NFE2L1: variants seen among roughly 807,000 people sequenced by gnomAD.
NFE2L1 encodes endoplasmic reticulum membrane sensor NFE2L1.
Under a neutral mutation model 61.6 loss-of-function variants are expected in NFE2L1, and 18 were observed. The observed-to-expected ratio is 0.29, with a 90% CI of 0.20 to 0.43. The LOEUF (loss-of-function observed/expected upper bound fraction) is 0.43, where lower values mean the gene tolerates loss of function less well. Among genes scored for constraint, NFE2L1 ranks in the 20% least tolerant of loss-of-function variants. The pLI is 1.00. For synonymous variants in NFE2L1, 419 were observed against 402.7 expected, an observed-to-expected ratio of 1.04 and a Z score of -0.48; for missense variants, 827 against 973.5, an observed-to-expected ratio of 0.85 and a Z score of 2.00.
chr17:48,055,074 G>C (rs2037361813), intron 2 of NFE2L1: 1 of 1,491,078 alleles, frequency 6.7e-7, no homozygotes, highest in Admixed American at 2.2e-5. Context: ...AAAGGCAGCC[G>C]GCCCCTTAAC....
intron 5 of NFE2L1, among the ~76,000 whole-genome samples, 166 bp downstream of exon 5, chr17:48,057,668 G>A (rs1364352234): frequency 1.3e-5 from 2 of 152,220 alleles, no homozygotes; most frequent in African/African-American, 4.8e-5. Flanking sequence ...TTGGGGCAAT[G>A]GGAGCTGGAG....
chr17:48,053,659 C>G (rs1223626991), intron 2 of NFE2L1, among the ~76,000 whole-genome samples: 1 of 152,220 alleles, frequency 6.6e-6, no homozygotes, highest in East Asian at 1.9e-4. Flanking sequence ...AACATACTGT[C>G]TCTCTGACCT....
chr17:48,050,579 C>T (rs1248633228), intron 1 of NFE2L1, 28 bp from the exon 2 acceptor site: 1 of 409,498 alleles, frequency 2.4e-6, no homozygotes, highest in Non-Finnish European at 4.3e-6. Flanking sequence ...GGAATCTTAT[C>T]CTGTTGCTTT....
rs540782752 is a variant in NFE2L1 at position 48,051,772 on chromosome 17, C to G, written c.510+144C>G. 91 of 1,011,116 alleles carry G rather than the reference C, an allele frequency of 9.0e-5. 1 individual carries two copies. The South Asian group carries it at 1.5e-3, about 16-fold the overall frequency. The allele number at this position is 1,011,116 out of a possible 1,614,324, so 62.6% of individuals were successfully genotyped here. A position where few individuals can be genotyped will look rare whatever the true frequency, so the allele number is the denominator to read the frequency against. Reference sequence around the variant, plus strand: ...GGCACTGTTCTTGGGTAGGGATGGGCTGAACTTTCTGACTTTAGGATTGGG... The same window carrying G: ...GGCACTGTTCTTGGGTAGGGATGGGGTGAACTTTCTGACTTTAGGATTGGG... On this transcript the variant is annotated intron_variant, in intron 2 of 5. Coordinates refer to ENST00000362042, the MANE Select transcript of NFE2L1 (RefSeq NM_003204.3).
rs2037247635 is a variant in NFE2L1, at chr17:48,051,440, G to C, written c.322G>C (p.Asp108His). Residue 108 changes from aspartate to histidine, a missense_variant, in exon 2 of 6, where the codon GAC becomes CAC. By Grantham distance (81) the Asp-to-His change is moderately conservative. This residue lies in a region of NFE2L1 where 667 missense variants were observed against 748.4 expected (regional missense o/e 0.89). Transcript: ENST00000362042. ...GGTAAATGCCTGGCTGGTTCACCGA[G>C]ACCCAGAGGGGTCTGTCTCTGGCAG... ...TEVNAWLVHR[D>H]PEGSVSGSQP... 6.2e-7 allele frequency: 1 copy of C among 1,614,210 alleles called. No homozygotes were observed. The highest frequency in any genetic ancestry group is 8.5e-7 in the Non-Finnish European group (1 of 1,180,040).
intron 5 of NFE2L1, 134 bp downstream of exon 5, chr17:48,057,636 A>G: frequency 8.5e-7 from 1 of 1,175,828 alleles, no homozygotes. Context: ...GACAATGAGA[A>G]GAAACCTGTC....
At chr17:48,055,434 G>A (rs1415882207) in intron 2 of NFE2L1, among the ~76,000 whole-genome samples, 2 of 152,076 alleles carry the variant, frequency 1.3e-5, no homozygotes, top group African/African-American at 4.8e-5. Flanking sequence ...GGTGGCAGTT[G>A]GTGCAGCAAC....
In NFE2L1 at chr17:48,051,560, G is replaced by A; in HGVS notation, c.442G>A (p.Gly148Arg). Residue 148 changes from glycine to arginine, a missense_variant, in exon 2 of 6, where the codon GGA becomes AGA. Gly to Arg is a moderately radical substitution (Grantham distance 125). Transcript: ENST00000362042. ...NGVRESETEQ[G>R]FGEDLEDLGA... ...GGTGCGAGAAAGCGAAACGGAGCAG[G>A]GATTCGGTGAAGATTTGGAGGATTT... 6.2e-7 allele frequency: 1 copy of A among 1,614,234 alleles called. No individual in the cohort carries two copies. The highest frequency in any genetic ancestry group is 8.5e-7 in the Non-Finnish European group (1 of 1,180,038).
Position 48,059,637 on chromosome 17 carries a change from A to G in NFE2L1, c.2315A>G (p.Lys772Arg), listed in dbSNP as rs1567757646. ...GAGAGGAAGCCAAAGGACCGGAGAA[A>G]GTGAGCCTGGGGAAGAAGGGGGTTT... ...RQERKPKDRR[K>R] Residue 772 changes from lysine (K) to arginine (R), a missense_variant, in exon 6 of 6, where the codon AAG becomes AGG. Physicochemically the swap from Lys to Arg is conservative, Grantham distance 26. Around this residue, in one of 3 missense-constraint regions of NFE2L1, gnomAD observed 86 missense variants for 97.3 expected, o/e 0.88. Coordinates refer to ENST00000362042, the MANE Select transcript of NFE2L1 (RefSeq NM_003204.3). The surrounding 1 kb of genome is among the most constrained non-coding windows in gnomAD (Gnocchi z 6.1). 2 of 1,548,184 alleles carry G rather than the reference A, an allele frequency of 1.3e-6. No individual in the cohort carries two copies. Among genetic ancestry groups the G allele is most frequent in the South Asian group, 1.2e-5 (1 of 81,368 alleles).
At chr17:48,055,362 G>A (rs1011860387) in intron 2 of NFE2L1, among the ~76,000 whole-genome samples, 15 of 152,084 alleles carry the variant, frequency 9.9e-5, no homozygotes, top group African/African-American at 3.6e-4. Context: ...CGACTACAGG[G>A]GGGTGCCATG....
chr17:48,050,705 A>C lies in NFE2L1; in HGVS notation c.-414A>C, dbSNP rs2037228164. On this transcript the variant is annotated 5_prime_UTR_variant, in exon 2 of 6. Transcript: ENST00000362042. The stretch of plus-strand genomic sequence containing the variant: ...CCAGCCAAAGAAAATAAACCTTAGG[A>C]GGGAGAAGGAAAAAAAAAATCCATC... 4.4e-6 allele frequency: 2 copies of C among 453,272 alleles called. No individual in the cohort carries two copies. Among genetic ancestry groups the C allele is most frequent in the African/African-American group, 4.0e-5 (2 of 50,458 alleles). The allele number at this position is 453,272 out of a possible 1,614,324, so 28.1% of individuals were successfully genotyped here.
intron 4 of NFE2L1, 27 bp from the exon 5 acceptor site, chr17:48,057,317 T>G: frequency 6.2e-7 from 1 of 1,606,630 alleles, no homozygotes; most frequent in Non-Finnish European, 8.5e-7. Flanking sequence ...CCTTCCCCCT[T>G]GTTAAAGCCT....
At position 48,056,291 on chromosome 17, in the gene NFE2L1, A is replaced by G. The variant is rs2037399096; in HGVS notation, c.511-95A>G. The stretch of plus-strand genomic sequence containing the variant: ...AGAGCTGGGAGGGGCCCCACCCAGG[A>G]CTAACTGGGGTGACACTAGGAGGGA... On this transcript the variant is annotated intron_variant, in intron 2 of 5. Coordinates refer to ENST00000362042, the MANE Select transcript of NFE2L1 (RefSeq NM_003204.3). 2.1e-6 allele frequency: 3 copies of G among 1,440,936 alleles called. No individual in the cohort carries two copies. In the Admixed American group the frequency reaches 5.2e-5, roughly 25 times the overall value. The allele number at this position is 1,440,936 out of a possible 1,614,324, so 89.3% of individuals were successfully genotyped here. A position where few individuals can be genotyped will look rare whatever the true frequency, so the allele number is the denominator to read the frequency against.
At position 48,059,072 on chromosome 17, in the gene NFE2L1, C is replaced by A; in HGVS notation, c.1750C>A (p.Leu584Met). Reference protein sequence around the residue: ...NHTYNMAPSALDSADLPPPSA... With the variant: ...NHTYNMAPSAMDSADLPPPSA... ...CACATACAACATGGCACCCAGTGCC[C>A]TGGACTCAGCCGACCTGCCACCACC... is the stretch of plus-strand genomic sequence containing the variant. Residue 584 changes from leucine to methionine, a missense_variant, in exon 6 of 6, where the codon CTG becomes ATG. Leu to Met is a conservative substitution (Grantham distance 15). Transcript: ENST00000362042. This position sits in a 1 kb window ranked among gnomAD's most constrained non-coding sequence, Gnocchi z 6.1. The A allele has an allele frequency of 6.2e-7, 1 of 1,614,112 alleles. No homozygotes were observed. Among genetic ancestry groups the A allele is most frequent in the South Asian group, 1.1e-5 (1 of 91,084 alleles).
In NFE2L1 at chr17:48,056,433, GGCTGGGCGT is replaced by G; in HGVS notation, c.560_568del (p.Ala187_Arg189del). The G allele has an allele frequency of 6.2e-7, 1 of 1,614,196 alleles. No homozygotes were observed. Among genetic ancestry groups the G allele is most frequent in the Non-Finnish European group, 8.5e-7 (1 of 1,180,028 alleles). On this transcript the variant is annotated inframe_deletion, in exon 3 of 6. Transcript: ENST00000362042. ...TTTGGCGACAGGATATTGATCTGGG[GGCTGGGCGT>G]GAGGTTTTTGACTATAGTCACCGCC...
chr17:48,053,592 A>AGG (rs1013978378), intron 2 of NFE2L1, among the ~76,000 whole-genome samples: 1 of 152,198 alleles, frequency 6.6e-6, no homozygotes, highest in South Asian at 2.1e-4. Flanking sequence ...TGCCCAGAGC[A>AGG]GGGGGGTGGC....
intron 1 of NFE2L1, chr17:48,048,841 C>G (rs2037159940): frequency 6.5e-6 from 1 of 152,694 alleles, no homozygotes; most frequent in African/African-American, 2.4e-5. Flanking sequence ...GTGGGCATGG[C>G]GACTTGGTCT....
intron 2 of NFE2L1, among the ~76,000 whole-genome samples, chr17:48,052,147 G>A (rs1047493217): frequency 6.6e-6 from 1 of 152,186 alleles, no homozygotes; most frequent in Non-Finnish European, 1.5e-5. Flanking sequence ...TCTTGGCCAG[G>A]AGAGGGCCAA....
chr17:48,059,410 G>A lies in NFE2L1; in HGVS notation c.2088G>A (p.Leu696=). 6.2e-7 allele frequency: 1 copy of A among 1,614,230 alleles called. No homozygotes were observed. The highest frequency in any genetic ancestry group is 8.5e-7 in the Non-Finnish European group (1 of 1,180,046). ...ACCTGCAGCGTGACAAAGCCCGGCT[G>A]CTGCGGGAGAAAGTGGAGTTCCTGC... ...VEDLQRDKAR[L]LREKVEFLRS... is the part of the protein sequence containing the mutation. The change falls in exon 6 of 6, where the codon CTG becomes CTA. Residue 696 remains leucine (L), a synonymous_variant. Transcript: ENST00000362042. This position sits in a 1 kb window ranked among gnomAD's most constrained non-coding sequence, Gnocchi z 6.1.
Sources: gnomAD v4.1 joint callset for allele counts (sites outside exome capture counted in the v4.1 genomes callset) on GRCh38, gnomAD v4.1.1 for gene constraint, gnomAD v4.1.1 regional missense constraint, Gnocchi (gnomAD v3.1) non-coding constraint, MANE v1.5 for transcripts, NCBI Gene and HGNC (gene_info 2026-07-23, HGNC 2026-07-21) for gene names.